Variants in PTCH1 observed in about 807,000 individuals in gnomAD.
PTCH1 encodes the protein protein patched homolog 1.
PTCH1 carries 14 observed loss-of-function variants against 144.6 expected under a neutral mutation model. The ratio of observed to expected loss-of-function variants is 0.10; its 90% CI spans 0.06 to 0.15. The LOEUF (loss-of-function observed/expected upper bound fraction) is 0.15. PTCH1 is among the 10% of genes least tolerant of loss of function. The pLI, the probability that PTCH1 is intolerant of heterozygous loss-of-function variation, is 1.00. For missense variants in PTCH1, 1,623 were observed against 1,948.3 expected (o/e 0.83, Z 3.14); for synonymous variants, 833 against 793.6 (o/e 1.05, Z -0.83).
chr9:95,452,579 CA>C (rs983896539), intron 20 of PTCH1: 2 of 152,144 alleles, frequency 1.3e-5, no homozygotes, highest in African/African-American at 4.8e-5. Context: ...AAATTCTTTT[CA>C]AAAGGAAAAC....
Position 95,459,611 on chromosome 9 carries a change from G to A in PTCH1, c.2876C>T (p.Thr959Ile), listed in dbSNP as rs776378611. The A allele has an allele frequency of 1.9e-6, 3 of 1,613,866 alleles. No individual in the cohort carries two copies. The highest frequency in any genetic ancestry group is 2.2e-5 in the South Asian group (2 of 91,066). ...VHDKADYMPE[T>I]RLRIPAAEPI... is the part of the protein sequence containing the mutation. ...AAAACGCTACTTACTTCTCAGCCTT[G>A]TTTCAGGCATGTAGTCGGCTTTGTC... The change falls in exon 17 of 24, where the codon ACA (threonine) becomes ATA (isoleucine). Residue 959 changes from threonine (T) to isoleucine (I), a missense_variant. Physicochemically the swap from Thr to Ile is moderately conservative, Grantham distance 89. Coordinates refer to ENST00000331920, the MANE Select transcript of PTCH1 (RefSeq NM_000264.5).
At chr9:95,509,501 C>T (rs190757357), upstream of PTCH1, among the ~76,000 whole-genome samples, 2 of 152,358 alleles carry the variant, frequency 1.3e-5, no homozygotes, top group Admixed American at 6.5e-5. Context: ...CCAACCTTCT[C>T]GCATGCAATA....
At position 95,453,491 on chromosome 9, in the gene PTCH1, C is replaced by T. The variant is rs749542089; in HGVS notation, c.3436G>A (p.Asp1146Asn). ...ACGCCTGCTTACCTGACAATGAAGT[C>T]GAACTCAGATCCCGCCAGCATCAGC... The part of the protein sequence containing the change: ...GVLMLAGSEF[D>N]FIVRYFFAVL... The change falls in exon 20 of 24, where the codon GAC becomes AAC. Residue 1146 changes from aspartate to asparagine, a missense_variant. By Grantham distance (23) the Asp-to-Asn change is conservative. This residue lies in a region of PTCH1 where 504 missense variants were observed against 679.3 expected (regional missense o/e 0.74). Transcript: ENST00000331920. The T allele has an allele frequency of 9.9e-6, 16 of 1,613,962 alleles. No individual in the cohort carries two copies. In the East Asian group the frequency reaches 1.1e-4, roughly 11 times the overall value.
chr9:95,510,261 A>AT (rs202244606), upstream of PTCH1, among the ~76,000 whole-genome samples: 310 of 151,580 alleles, frequency 2.0e-3, 2 homozygotes, highest in African/African-American at 6.9e-3. Flanking sequence ...TATAGTCAGT[A>AT]TTTTTTTTTA....
At chr9:95,487,426 T>C (rs1039358800) in intron 2 of PTCH1, among the ~76,000 whole-genome samples, 4 of 152,224 alleles carry the variant, frequency 2.6e-5, no homozygotes, top group African/African-American at 9.6e-5. Context: ...GGAAACAACT[T>C]GCACAGAGAA....
At chr9:95,501,820 G>A (rs978439113) in intron 2 of PTCH1, among the ~76,000 whole-genome samples, 2 of 152,102 alleles carry the variant, frequency 1.3e-5, no homozygotes, top group African/African-American at 4.8e-5. Context: ...TGAGGGAGAT[G>A]GGTTAAAACT....
chr9:95,505,401 G>A (rs1335396082), intron 2 of PTCH1, among the ~76,000 whole-genome samples: 1 of 152,164 alleles, frequency 6.6e-6, no homozygotes, highest in African/African-American at 2.4e-5. Context: ...TTTCCAAATA[G>A]CAGGATTTGG....
At chr9:95,453,089 C>T in intron 20 of PTCH1, 1 of 338,668 alleles carries the variant, frequency 3.0e-6, no homozygotes, top group Non-Finnish European at 5.8e-6. Context: ...CTGCAATCTA[C>T]CAGATACAGA....
chr9:95,498,039 G>A (rs566749244), intron 2 of PTCH1, among the ~76,000 whole-genome samples: 2 of 152,202 alleles, frequency 1.3e-5, no homozygotes, highest in African/African-American at 4.8e-5. Context: ...CCTGAGCTAG[G>A]GGCCAGAAGC....
At chr9:95,492,492 T>C (rs1842482577) in intron 2 of PTCH1, among the ~76,000 whole-genome samples, 1 of 152,176 alleles carries the variant, frequency 6.6e-6, no homozygotes. Flanking sequence ...CCAACATTGT[T>C]TCAGGCACAC....
rs652525 is a variant in PTCH1 at position 95,466,901 on chromosome 9, C to T, written c.2560+215G>A. ...GCACTTGTACATTCTCACAGAAGCT[C>T]ATCTGAATTATCTGCATCATTTTAT... On this transcript the variant is annotated intron_variant, in intron 15 of 23. Coordinates refer to ENST00000331920, the MANE Select transcript of PTCH1 (RefSeq NM_000264.5). Among the ~76,000 whole-genome samples the T allele has an allele frequency of 2.4e-3, 371 of 152,316 alleles. 1 individual carries two copies. The highest frequency in any genetic ancestry group is 3.1e-3 in the Non-Finnish European group (214 of 68,038).
chr9:95,490,280 C>T (rs976954213), intron 2 of PTCH1, among the ~76,000 whole-genome samples: 2 of 151,612 alleles, frequency 1.3e-5, no homozygotes, highest in African/African-American at 4.8e-5. Context: ...CGAGACCAGC[C>T]TGGGCAACAC....
chr9:95,447,371 G>T lies in PTCH1; in HGVS notation c.3885C>A (p.Pro1295=). 6.2e-7 allele frequency: 1 copy of T among 1,613,130 alleles called. No homozygotes were observed. Among genetic ancestry groups the T allele is most frequent in the East Asian group, 2.2e-5 (1 of 44,866 alleles). Residue 1295 remains proline (P), a synonymous_variant, in exon 23 of 24, where the codon CCC becomes CCA. Coordinates refer to ENST00000331920, the MANE Select transcript of PTCH1 (RefSeq NM_000264.5). ...QPHLDSGSLP[P]GRQGQQPRRD... is the part of the protein sequence containing the mutation. ...TGCGGGGCTGCTGGCCTTGCCGTCC[G>T]GGAGGCAGGGACCCTGAGTCCAGGT...
chr9:95,514,940 T>C (rs1398937541), intron 1 of PTCH1, among the ~76,000 whole-genome samples: 2 of 152,204 alleles, frequency 1.3e-5, no homozygotes, highest in Non-Finnish European at 2.9e-5. Context: ...AACATTTTAA[T>C]TGAAACAGAT....
chr9:95,484,615 G>C lies in PTCH1; in HGVS notation c.584+1070C>G, dbSNP rs547429661. Among the ~76,000 whole-genome samples, 48 of 152,258 alleles carry C rather than the reference G, an allele frequency of 3.2e-4. No individual in the cohort carries two copies. The South Asian group carries it at 9.1e-3, about 29-fold the overall frequency. On this transcript the variant is annotated intron_variant, in intron 3 of 23. Coordinates refer to ENST00000331920, the MANE Select transcript of PTCH1 (RefSeq NM_000264.5). ...GGAAAAATAAACAGTACTAACAAAG[G>C]CCTCAGTGAAGAGGTGCTGAAAGCC... is the stretch of plus-strand genomic sequence containing the variant.
At chr9:95,506,168 C>A (rs1050468136) in intron 2 of PTCH1, 24 of 359,280 alleles carry the variant, frequency 6.7e-5, no homozygotes, top group Admixed American at 1.0e-4. Flanking sequence ...CCCGTCCCGC[C>A]CCCGCCGCTC....
chr9:95,497,680 C>T (rs1020507675), intron 2 of PTCH1, among the ~76,000 whole-genome samples: 1 of 152,222 alleles, frequency 6.6e-6, no homozygotes, highest in Admixed American at 6.5e-5. Context: ...TCTCTCCCCA[C>T]CCTCCATTCT....
chr9:95,457,203 T>C (rs1484724709), intron 18 of PTCH1, among the ~76,000 whole-genome samples: 1 of 128,070 alleles, frequency 7.8e-6, no homozygotes, highest in Non-Finnish European at 1.5e-5. Context: ...AGTTACCAGA[T>C]GGAAGAGAAG....
chr9:95,461,762 G>C (rs1270744772), intron 16 of PTCH1, 94 bp downstream of exon 16: 6 of 1,537,688 alleles, frequency 3.9e-6, no homozygotes, highest in Non-Finnish European at 5.3e-6. Flanking sequence ...TCTCCAGAGA[G>C]CACAGGGTGG....
Sources: gnomAD v4.1 joint callset for allele counts (sites outside exome capture counted in the v4.1 genomes callset) on GRCh38, gnomAD v4.1.1 for gene constraint, gnomAD v4.1.1 regional missense constraint, MANE v1.5 for transcripts, NCBI Gene and HGNC (gene_info 2026-07-23, HGNC 2026-07-21) for gene names.